The following USP28 variants were observed in gnomAD, a reference collection of about 807,000 sequenced individuals.
USP28 encodes the protein ubiquitin specific peptidase 28, also known as ubiquitin carboxyl-terminal hydrolase 28.
A neutral mutation model predicts 145.0 loss-of-function variants in USP28; 113 were observed. The ratio of observed to expected loss-of-function variants is 0.78; its 90% CI spans 0.67 to 0.91. USP28 has a LOEUF of 0.91. Ranked by LOEUF, USP28 falls within the 40% of genes least tolerant of loss-of-function variation. USP28 has a pLI of 0.00. For missense variants in USP28, 1,201 were observed against 1,289.6 expected (o/e 0.93, Z 1.05); for synonymous variants, 447 against 450.9 (o/e 0.99, Z 0.11).
intron 11 of USP28, 27 bp downstream of exon 11, chr11:113,827,206 A>G (rs747491116): frequency 1.0e-5 from 8 of 788,004 alleles, no homozygotes; most frequent in African/African-American, 1.9e-5. Context: ...ATACCTCAGG[A>G]AAAAAAAAAA....
chr11:113,870,659 G>A (rs1354515068), intron 1 of USP28, among the ~76,000 whole-genome samples: 1 of 152,234 alleles, frequency 6.6e-6, no homozygotes, highest in Non-Finnish European at 1.5e-5. Context: ...GCCCAGACTG[G>A]TCCACACGGC....
chr11:113,803,090 A>G (rs1275050185), intron 23 of USP28, 68 bp downstream of exon 24: 1 of 1,477,144 alleles, frequency 6.8e-7, no homozygotes, highest in East Asian at 2.5e-5. Flanking sequence ...AAAGCCATAT[A>G]TTTTCCTGGC....
chr11:113,833,580 A>T, intron 6 of USP28, 23 bp from the exon 7 acceptor site: 1 of 1,593,568 alleles, frequency 6.3e-7, no homozygotes, highest in Non-Finnish European at 8.5e-7. Context: ...CAGTACATGT[A>T]CTCTTACAAT....
In USP28 at chr11:113,804,995, TG is replaced by T; in HGVS notation, c.2451del (p.Thr818ProfsTer24). ...TGAAGTCGAGGATCACTGTGAGAGG[TG>T]GGGGTCTCTTTGGCAAGCTGATAGA... On this transcript the variant is annotated frameshift_variant, in exon 20 of 25. Transcript: ENST00000003302. LOFTEE classifies it high-confidence loss of function. The T allele has an allele frequency of 6.2e-7, 1 of 1,613,772 alleles. No individual in the cohort carries two copies. The highest frequency in any genetic ancestry group is 2.2e-5 in the East Asian group (1 of 44,850).
At position 113,827,372 on chromosome 11, in the gene USP28, A is replaced by T; in HGVS notation, c.1060-12T>A. The T allele has an allele frequency of 6.4e-7, 1 of 1,567,114 alleles. No individual in the cohort carries two copies. The highest frequency in any genetic ancestry group is 1.7e-4 in the Middle Eastern group (1 of 5,792). ...TTTGTAAACCAACGCTAGTGTCAAG[A>T]GTAGAAATGTGAGAGAAAGAAAAAT... is the stretch of plus-strand genomic sequence containing the variant. On this transcript the variant is annotated splice_polypyrimidine_tract_variant and intron_variant, in intron 10 of 24. Coordinates refer to ENST00000003302, the Ensembl canonical transcript of USP28.
At chr11:113,854,395 T>C (rs1423484632) in intron 1 of USP28, 60 bp from the exon 2 acceptor site, 1 of 1,497,186 alleles carries the variant, frequency 6.7e-7, no homozygotes, top group Non-Finnish European at 9.3e-7. Context: ...CCTGGGTACA[T>C]TTAAAGAATA....
At chr11:113,799,480 C>T in intron 24 of USP28, 65 bp from the exon 26 acceptor site, 1 of 1,536,942 alleles carries the variant, frequency 6.5e-7, no homozygotes, top group Non-Finnish European at 8.8e-7. Flanking sequence ...AGTGAACAAG[C>T]CTTCTATTAG....
rs750691091 is a variant in USP28, at chr11:113,805,051, T to C, written c.2401-5A>G. The stretch of plus-strand genomic sequence containing the variant: ...GGAGTATTCTTCATGGAATGCCTAT[T>C]AAGGGCAGAATCAATGGTTAGAAAA... On this transcript the variant is annotated splice_polypyrimidine_tract_variant and splice_region_variant and intron_variant, in intron 19 of 24. Transcript: ENST00000003302. The C allele has an allele frequency of 3.1e-6, 5 of 1,611,936 alleles. No individual in the cohort carries two copies. The Middle Eastern group carries it at 5.0e-4, about 160-fold the overall frequency.
chr11:113,800,241 G>A (rs1165655310), intron 24 of USP28, among the ~76,000 whole-genome samples: 1 of 152,038 alleles, frequency 6.6e-6, no homozygotes, highest in South Asian at 2.1e-4. Flanking sequence ...TCCTGACCTC[G>A]TGATCCGCCC....
In USP28 at chr11:113,852,650, CAA is replaced by C; in HGVS notation, c.136-19_136-18del. The C allele has an allele frequency of 6.2e-7, 1 of 1,611,050 alleles. No individual in the cohort carries two copies. Among genetic ancestry groups the C allele is most frequent in the Non-Finnish European group, 8.5e-7 (1 of 1,179,758 alleles). On this transcript the variant is annotated intron_variant, in intron 2 of 24. Coordinates refer to ENST00000003302, the Ensembl canonical transcript of USP28. ...ATTACTGGCCTATGGGAGAAAAAGACAATAGAAATTTCAAAAGTAATCATAGA... is the reference window on the plus strand; with the variant it reads ...ATTACTGGCCTATGGGAGAAAAAGACTAGAAATTTCAAAAGTAATCATAGA...
At chr11:113,874,786 T>C in intron 1 of USP28, 1 of 1,121,414 alleles carries the variant, frequency 8.9e-7, no homozygotes, top group Admixed American at 4.1e-5. Context: ...CAGAAGTCCT[T>C]ATATTGATTT....
Position 113,804,791 on chromosome 11 carries a change from G to C in USP28, c.2580-40C>G, listed in dbSNP as rs758010494. On this transcript the variant is annotated intron_variant, in intron 20 of 24. Coordinates refer to ENST00000003302, the Ensembl canonical transcript of USP28. ...GTTCAGAAAGCAATGAAAAGGCACAGGGCAAAACTTCCCCAACAGAGGAGT... is the reference window on the plus strand; with the variant it reads ...GTTCAGAAAGCAATGAAAAGGCACACGGCAAAACTTCCCCAACAGAGGAGT... 4.3e-6 allele frequency: 7 copies of C among 1,611,876 alleles called. No individual in the cohort carries two copies. In the African/African-American group the frequency reaches 8.2e-5, roughly 19 times the overall value.
intron 1 of USP28, among the ~76,000 whole-genome samples, chr11:113,862,668 G>T (rs1228691720): frequency 2.6e-5 from 4 of 152,136 alleles, no homozygotes; most frequent in Non-Finnish European, 5.9e-5. Flanking sequence ...CTCAAAGAAT[G>T]AAGAGAGAAA....
chr11:113,852,955 AG>A (rs555913330), intron 2 of USP28, among the ~76,000 whole-genome samples: 106 of 152,252 alleles, frequency 7.0e-4, no homozygotes, highest in African/African-American at 2.4e-3. Context: ...GTGTCAAAAA[AG>A]GGGGCTGGCA....
At chr11:113,846,799 T>G (rs1945903247) in intron 3 of USP28, among the ~76,000 whole-genome samples, 1 of 152,206 alleles carries the variant, frequency 6.6e-6, no homozygotes, top group African/African-American at 2.4e-5. Context: ...GAGACCGGCC[T>G]GGCCAACCAA....
chr11:113,858,243 T>G (rs1208282402), intron 1 of USP28, among the ~76,000 whole-genome samples: 1 of 152,158 alleles, frequency 6.6e-6, no homozygotes, highest in Non-Finnish European at 1.5e-5. Context: ...AACAACAATG[T>G]TCTACATGGA....
chr11:113,827,648 T>C (rs1160201000), intron 10 of USP28, among the ~76,000 whole-genome samples: 1 of 152,206 alleles, frequency 6.6e-6, no homozygotes, highest in Non-Finnish European at 1.5e-5. Flanking sequence ...CCCTTGAATA[T>C]GTGAACCGCA....
chr11:113,833,583 C>T (rs1177089100), intron 6 of USP28, 26 bp from the exon 7 acceptor site: 1 of 1,580,066 alleles, frequency 6.3e-7, no homozygotes, highest in Admixed American at 1.9e-5. Context: ...TACATGTACT[C>T]TTACAATATC....
At position 113,875,557 on chromosome 11, in the gene USP28, A is replaced by G. The variant is rs2137384797; in HGVS notation, c.-56T>C. 4 of 1,107,498 alleles carry G rather than the reference A, an allele frequency of 3.6e-6. 1 individual carries two copies. The highest frequency in any genetic ancestry group is 4.4e-6 in the Non-Finnish European group (4 of 909,810). 68.6% of individuals were successfully genotyped at this position (1,107,498 alleles called of 1,614,324 possible). Reference sequence around the variant, plus strand: ...CTCCCGCCGCAGCCGCCGCCGGCCCAGCCTCTCAGGACTAGGCCCCGCCCC... The same window carrying G: ...CTCCCGCCGCAGCCGCCGCCGGCCCGGCCTCTCAGGACTAGGCCCCGCCCC... On this transcript the variant is annotated 5_prime_UTR_variant, in exon 1 of 25. Coordinates refer to ENST00000003302, the Ensembl canonical transcript of USP28.
Sources: allele counts gnomAD v4.1 joint callset (sites outside exome capture counted in the v4.1 genomes callset), GRCh38; gene constraint gnomAD v4.1.1; transcripts MANE v1.5; gene names NCBI Gene and HGNC (gene_info 2026-07-23, HGNC 2026-07-21).